RHOU: variants seen among roughly 807,000 people sequenced by gnomAD.
RHOU encodes rho-related GTP-binding protein RhoU.
In RHOU, 8 loss-of-function variants were observed where a neutral mutation model predicts 12.6. The observed-to-expected ratio is 0.64, with a 90% confidence interval of 0.37 to 1.15. The LOEUF (loss-of-function observed/expected upper bound fraction) is 1.15, where lower values mean the gene tolerates loss of function less well. Among genes scored for constraint, RHOU ranks in the 50% most tolerant of loss-of-function variants. The pLI is 0.01. For missense variants in RHOU, 258 were observed against 347.0 expected (o/e 0.74, Z 2.04); for synonymous variants, 161 against 147.4 (o/e 1.09, Z -0.67).
the RHOU span, among the ~76,000 whole-genome samples, chr1:228,716,817 T>C: frequency 6.6e-6 from 1 of 152,080 alleles, no homozygotes; most frequent in Non-Finnish European, 1.5e-5. Flanking sequence ...AAAAAATATG[T>C]TTTTTTCAGT....
At position 228,743,168 on chromosome 1, in the gene RHOU, T is replaced by C; in HGVS notation, c.322-117T>C. The stretch of plus-strand genomic sequence containing the variant: ...TTTCAAGGATGCTGGCTCTTCCTTC[T>C]AGAACCAGCGGGTCTTCTATCACCT... On this transcript the variant is annotated intron_variant, in intron 2 of 2. Transcript: ENST00000366691. The surrounding 1 kb of genome is among the most constrained non-coding windows in gnomAD (Gnocchi z 5.1). 1.1e-6 allele frequency: 1 copy of C among 934,366 alleles called. No homozygotes were observed. 57.9% of individuals were successfully genotyped at this position (934,366 alleles called of 1,614,324 possible). A position where few individuals can be genotyped will look rare whatever the true frequency, so the allele number is the denominator to read the frequency against.
the RHOU span, among the ~76,000 whole-genome samples, chr1:228,668,407 C>T: frequency 1.3e-5 from 2 of 152,132 alleles, no homozygotes; most frequent in African/African-American, 2.4e-5. Flanking sequence ...CCCCAAATTG[C>T]GATTGGCATG....
chr1:228,707,809 A>G, the RHOU span, among the ~76,000 whole-genome samples: 1 of 152,238 alleles, frequency 6.6e-6, no homozygotes, highest in South Asian at 2.1e-4. Flanking sequence ...CTGGACAGAG[A>G]ATGACTTTGA....
chr1:228,726,498 G>A, the RHOU span, among the ~76,000 whole-genome samples: 228 of 152,012 alleles, frequency 1.5e-3, 1 homozygote, highest in Middle Eastern at 6.8e-3. Flanking sequence ...AACCCCGTCC[G>A]TACTAAAAAT....
At chr1:228,722,476 C>T in the RHOU span, among the ~76,000 whole-genome samples, 1 of 152,172 alleles carries the variant, frequency 6.6e-6, no homozygotes, top group Non-Finnish European at 1.5e-5. Flanking sequence ...CCCAATATTT[C>T]CTCTTGGACA....
At chr1:228,690,478 A>G in the RHOU span, among the ~76,000 whole-genome samples, 2 of 151,982 alleles carry the variant, frequency 1.3e-5, no homozygotes, top group African/African-American at 4.8e-5. Flanking sequence ...GGCATGCACC[A>G]CCACGCCTGG....
At chr1:228,717,076 C>T in the RHOU span, among the ~76,000 whole-genome samples, 1 of 152,136 alleles carries the variant, frequency 6.6e-6, no homozygotes, top group Non-Finnish European at 1.5e-5. Flanking sequence ...TGAGGCCTTG[C>T]TATCAGTGCA....
At chr1:228,741,185 A>G (rs1662715341) in intron 2 of RHOU, among the ~76,000 whole-genome samples, 1 of 152,252 alleles carries the variant, frequency 6.6e-6, no homozygotes, top group African/African-American at 2.4e-5. Flanking sequence ...ACTTCTGTGC[A>G]GTGTCCGTAC....
At chr1:228,672,544 G>A in the RHOU span, among the ~76,000 whole-genome samples, 1 of 152,054 alleles carries the variant, frequency 6.6e-6, no homozygotes, top group Admixed American at 6.6e-5. Flanking sequence ...AATTTAGGTG[G>A]GTCAGCTTGA....
In RHOU at chr1:228,737,794, AC is replaced by A. The variant is rs1427534921; in HGVS notation, c.321+65del. 3 of 1,538,084 alleles carry A rather than the reference AC, an allele frequency of 2.0e-6. No homozygotes were observed. In the African/African-American group the frequency reaches 4.1e-5, roughly 21 times the overall value. On this transcript the variant is annotated intron_variant, in intron 2 of 2. Transcript: ENST00000366691. The surrounding 1 kb of genome is among the most constrained non-coding windows in gnomAD (Gnocchi z 4.1). ...ACAGCCTTTTAAAGATTTCCAAATA[AC>A]CTTTGATTCCCTCAGTCAGTAACTG... is the stretch of plus-strand genomic sequence containing the variant.
chr1:228,647,470 G>T, the RHOU span, among the ~76,000 whole-genome samples: 12 of 152,230 alleles, frequency 7.9e-5, no homozygotes, highest in Non-Finnish European at 1.3e-4. Context: ...CTGTTTTCCT[G>T]GTGGTTGGCG....
upstream of RHOU, among the ~76,000 whole-genome samples, chr1:228,730,978 T>G (rs1333609729): frequency 6.6e-6 from 1 of 152,248 alleles, no homozygotes; most frequent in Non-Finnish European, 1.5e-5. Context: ...AAAAGTGACA[T>G]GTACACAGTG....
the RHOU span, among the ~76,000 whole-genome samples, chr1:228,704,358 T>C: frequency 6.6e-6 from 1 of 152,176 alleles, no homozygotes; most frequent in Non-Finnish European, 1.5e-5. Flanking sequence ...ACTCTCTAAA[T>C]TGATTGAGAC....
chr1:228,664,293 T>C, the RHOU span, among the ~76,000 whole-genome samples: 1 of 151,672 alleles, frequency 6.6e-6, no homozygotes, highest in Admixed American at 6.6e-5. Flanking sequence ...ATTACAGGTG[T>C]GAGCCGCTGC....
At chr1:228,694,178 T>C in the RHOU span, among the ~76,000 whole-genome samples, 1 of 152,212 alleles carries the variant, frequency 6.6e-6, no homozygotes, top group African/African-American at 2.4e-5. Context: ...TTGCACACAT[T>C]GTTTTTCAGC....
chr1:228,650,762 G>T, the RHOU span: 1 of 436,678 alleles, frequency 2.3e-6, no homozygotes, highest in South Asian at 1.8e-5. Context: ...TGGTCCAGTT[G>T]AAATCCTTTC....
At chr1:228,735,252 C>A (rs1417916678), upstream of RHOU, 2 of 152,338 alleles carry the variant, frequency 1.3e-5, no homozygotes, top group African/African-American at 4.8e-5. This position sits in a 1 kb window ranked among gnomAD's most constrained non-coding sequence, Gnocchi z 8.1. Flanking sequence ...GCGCGGGGTC[C>A]CCCGGAACGT....
chr1:228,670,137 A>T, the RHOU span, among the ~76,000 whole-genome samples: 1 of 152,202 alleles, frequency 6.6e-6, no homozygotes, highest in Non-Finnish European at 1.5e-5. Context: ...AGTAAAGAGG[A>T]TGAATTAGAA....
chr1:228,687,107 A>G, the RHOU span, among the ~76,000 whole-genome samples: 1 of 152,174 alleles, frequency 6.6e-6, no homozygotes, highest in Non-Finnish European at 1.5e-5. Context: ...AGAGTACACA[A>G]AACTCATTTT....
Sources: allele counts gnomAD v4.1 joint callset (sites outside exome capture counted in the v4.1 genomes callset), GRCh38; gene constraint gnomAD v4.1.1; non-coding constraint Gnocchi (gnomAD v3.1); transcripts MANE v1.5; gene names NCBI Gene and HGNC (gene_info 2026-07-23, HGNC 2026-07-21).